OR4N2: variants seen among roughly 807,000 people sequenced by gnomAD.
The protein encoded by OR4N2 is olfactory receptor 4N2.
For synonymous variants in OR4N2, 141 were observed against 140.4 expected (o/e 1.00, Z -0.03); for missense variants, 307 against 377.6 (o/e 0.81, Z 1.55).
At chr14:19,816,563 G>T (rs1421352686) in intron 1 of OR4N2, among the ~76,000 whole-genome samples, 1 of 152,238 alleles carries the variant, frequency 6.6e-6, no homozygotes, top group East Asian at 1.9e-4. Context: ...AGACTTTGCT[G>T]AAGTTGCTTA....
At chr14:19,810,844 C>T (rs746526337) in intron 1 of OR4N2, among the ~76,000 whole-genome samples, 2 of 152,084 alleles carry the variant, frequency 1.3e-5, no homozygotes, top group Non-Finnish European at 2.9e-5. Context: ...TTAAGAATAA[C>T]AAGAGAAGCA....
rs769608239 is a variant in OR4N2 at position 19,827,903 on chromosome 14, G to C, written c.455G>C (p.Gly152Ala). The C allele has an allele frequency of 1.2e-6, 2 of 1,614,132 alleles. No individual in the cohort carries two copies. Among genetic ancestry groups the C allele is most frequent in the Non-Finnish European group, 8.5e-7 (1 of 1,180,052 alleles). Residue 152 changes from glycine (G) to alanine (A), a missense_variant, in exon 2 of 2, where the codon GGT (glycine) becomes GCT (alanine). Physicochemically the swap from Gly to Ala is moderately conservative, Grantham distance 60. Transcript: ENST00000557677. ...YAMMLALWLGGFVHSIIQVVL... is the reference protein window; with the variant it reads ...YAMMLALWLGAFVHSIIQVVL... ...ATGATGTTGGCTCTGTGGCTTGGGG[G>C]TTTTGTCCACTCCATTATCCAGGTG...
chr14:19,811,030 A>AT lies in OR4N2; in HGVS notation c.-10+7187dup, dbSNP rs1285384731. Among the ~76,000 whole-genome samples, 6 of 152,394 alleles carry AT rather than the reference A, an allele frequency of 3.9e-5. No individual in the cohort carries two copies. In the East Asian group the frequency reaches 1.2e-3, roughly 29 times the overall value. Reference sequence around the variant, plus strand: ...TATACTAAGAAAATTCCAGGTTCATATGGCTCAACCAGGGAGTTTTCTAAA... The same window carrying AT: ...TATACTAAGAAAATTCCAGGTTCATATTGGCTCAACCAGGGAGTTTTCTAAA... On this transcript the variant is annotated intron_variant, in intron 1 of 1. Transcript: ENST00000557677.
intron 1 of OR4N2, among the ~76,000 whole-genome samples, chr14:19,827,171 A>G (rs1247595594): frequency 1.3e-5 from 2 of 152,256 alleles, no homozygotes; most frequent in Admixed American, 6.5e-5. Context: ...CGTGGAGGAT[A>G]CCAGACCCCT....
chr14:19,809,607 TAAGG>T (rs1879247945), intron 1 of OR4N2, among the ~76,000 whole-genome samples: 1 of 152,126 alleles, frequency 6.6e-6, no homozygotes, highest in East Asian at 1.9e-4. Flanking sequence ...AACTATACTA[TAAGG>T]CTACAGTAAC....
chr14:19,827,318 G>C lies in OR4N2; in HGVS notation c.-9-122G>C, dbSNP rs572523980. ...ATGGAGTTTCCCCAGAATAGGAGAG[G>C]GATGGGAAATGTTGTTTTTAGCTGA... is the stretch of plus-strand genomic sequence containing the variant. On this transcript the variant is annotated intron_variant, in intron 1 of 1. Coordinates refer to ENST00000557677, the MANE Select transcript of OR4N2 (RefSeq NM_001004723.3). 48 of 828,770 alleles carry C rather than the reference G, an allele frequency of 5.8e-5. No homozygotes were observed. The East Asian group carries it at 1.2e-3, about 20-fold the overall frequency. The allele number at this position is 828,770 out of a possible 1,614,324, so 51.3% of individuals were successfully genotyped here.
intron 1 of OR4N2, among the ~76,000 whole-genome samples, chr14:19,808,513 T>A (rs1879220435): frequency 6.6e-6 from 1 of 152,042 alleles, no homozygotes; most frequent in African/African-American, 2.4e-5. Flanking sequence ...TCCCTTGGAA[T>A]ACAGTTAACC....
chr14:19,813,073 A>C (rs902568971), intron 1 of OR4N2, among the ~76,000 whole-genome samples: 5 of 152,240 alleles, frequency 3.3e-5, no homozygotes, highest in African/African-American at 1.2e-4. Context: ...TCTTCAGATT[A>C]CTTTTATCTT....
intron 1 of OR4N2, among the ~76,000 whole-genome samples, chr14:19,826,174 T>C (rs1201177546): frequency 3.3e-5 from 5 of 152,254 alleles, no homozygotes; most frequent in Admixed American, 1.3e-4. Context: ...TATACTTCAG[T>C]GGATTATCAT....
At position 19,813,529 on chromosome 14, in the gene OR4N2, T is replaced by C. The variant is rs111735096; in HGVS notation, c.-10+9685T>C. Among the ~76,000 whole-genome samples the C allele has an allele frequency of 3.4e-3, 519 of 152,314 alleles. 1 individual carries two copies. Among genetic ancestry groups the C allele is most frequent in the African/African-American group, 0.012 (499 of 41,542 alleles). On this transcript the variant is annotated intron_variant, in intron 1 of 1. Coordinates refer to ENST00000557677, the MANE Select transcript of OR4N2 (RefSeq NM_001004723.3). The stretch of plus-strand genomic sequence containing the variant: ...GCAGTAGATTTTTCCTTAGGGTATT[T>C]ATGGACCTTAAAGTGGGAGCTTAAG...
intron 1 of OR4N2, among the ~76,000 whole-genome samples, chr14:19,813,823 A>G (rs1232767479): frequency 7.3e-6 from 1 of 136,706 alleles, no homozygotes; most frequent in African/African-American, 3.1e-5. Context: ...GTGGACTAGT[A>G]TCTCTCTGTT....
chr14:19,820,605 CT>C (rs2138475811), intron 1 of OR4N2, among the ~76,000 whole-genome samples: 1 of 152,366 alleles, frequency 6.6e-6, no homozygotes, highest in South Asian at 2.1e-4. Flanking sequence ...GGGACGCTGC[CT>C]TTCTTTCAGA....
intron 1 of OR4N2, among the ~76,000 whole-genome samples, chr14:19,804,918 G>C (rs1236016939): frequency 6.6e-6 from 1 of 152,192 alleles, no homozygotes; most frequent in African/African-American, 2.4e-5. Context: ...AGTTCTTCTT[G>C]TTGAGTTTAA....
chr14:19,817,131 G>A (rs1233646712), intron 1 of OR4N2, among the ~76,000 whole-genome samples: 1 of 152,160 alleles, frequency 6.6e-6, no homozygotes, highest in African/African-American at 2.4e-5. Flanking sequence ...ATGTTCATCA[G>A]GGATATTGAT....
intron 1 of OR4N2, among the ~76,000 whole-genome samples, chr14:19,804,535 G>A (rs1217909780): frequency 2.0e-5 from 3 of 152,150 alleles, no homozygotes; most frequent in African/African-American, 7.2e-5. Flanking sequence ...TGATTTCAAT[G>A]TTTATTGCAT....
rs192543820 is a variant in OR4N2, at chr14:19,805,041, C to T, written c.-10+1197C>T. Among the ~76,000 whole-genome samples the T allele has an allele frequency of 2.6e-5, 4 of 152,174 alleles. No homozygotes were observed. The East Asian group carries it at 7.7e-4, about 29-fold the overall frequency. On this transcript the variant is annotated intron_variant, in intron 1 of 1. Transcript: ENST00000557677. ...TTTGCTTTTTTCTGTTTTCTTTTTG[C>T]TTGGTCTATTTTTTCTCCATCCCTT... is the stretch of plus-strand genomic sequence containing the variant.
intron 1 of OR4N2, among the ~76,000 whole-genome samples, chr14:19,827,179 C>T (rs994543852): frequency 6.6e-6 from 1 of 152,232 alleles, no homozygotes; most frequent in African/African-American, 2.4e-5. Context: ...ATACCAGACC[C>T]CTAACATGGA....
Position 19,828,567 on chromosome 14 carries a change from A to G in OR4N2, c.*195A>G, listed in dbSNP as rs8022343. The G allele has an allele frequency of 0.85, 479,761 of 567,630 alleles. 196,447 individuals carry two copies. Among genetic ancestry groups the G allele is most frequent in the Non-Finnish European group, 0.85 (280,869 of 328,662 alleles). The allele number at this position is 567,630 out of a possible 1,614,324, so 35.2% of individuals were successfully genotyped here. A position where few individuals can be genotyped will look rare whatever the true frequency, so the allele number is the denominator to read the frequency against. ...AGATACAACCTAGTAAAAATAGACC[A>G]CCATTAAGGTAGAAAATAAACAGCA... On this transcript the variant is annotated 3_prime_UTR_variant, in exon 2 of 2. Transcript: ENST00000557677.
intron 1 of OR4N2, among the ~76,000 whole-genome samples, chr14:19,819,373 T>C (rs1879506487): frequency 6.6e-6 from 1 of 152,258 alleles, no homozygotes; most frequent in Admixed American, 6.5e-5. Flanking sequence ...TCTTGGAGGA[T>C]TTGTTCGTTC....
Sources: gnomAD v4.1 joint callset for allele counts (sites outside exome capture counted in the v4.1 genomes callset) on GRCh38, gnomAD v4.1.1 for gene constraint, MANE v1.5 for transcripts, NCBI Gene and HGNC (gene_info 2026-07-23, HGNC 2026-07-21) for gene names.